SMOC1: variants seen among roughly 807,000 people sequenced by gnomAD.
The protein encoded by SMOC1 is SPARC related modular calcium binding 1.
In SMOC1, 22 loss-of-function variants were observed where a neutral mutation model predicts 56.3. That is an observed-to-expected ratio of 0.39 (90% confidence interval 0.28 to 0.56). SMOC1 has a LOEUF of 0.56. Among genes scored for constraint, SMOC1 ranks in the 20% least tolerant of loss-of-function variants. The pLI, the probability that SMOC1 is intolerant of heterozygous loss-of-function variation, is 0.61. For synonymous variants in SMOC1, 193 were observed against 215.0 expected, an observed-to-expected ratio of 0.90 and a Z score of 0.89; for missense variants, 509 against 565.4, an observed-to-expected ratio of 0.90 and a Z score of 1.01.
chr14:69,978,032 A>G (rs1439741094), intron 5 of SMOC1, 67 bp downstream of exon 5: 4 of 1,311,450 alleles, frequency 3.1e-6, no homozygotes, highest in South Asian at 2.4e-5. Context: ...GATTTCTTAG[A>G]TGAGATAGAA....
rs769490801 is a variant in SMOC1 at position 69,994,414 on chromosome 14, A to G, written c.598A>G (p.Thr200Ala). 2.0e-5 allele frequency: 33 copies of G among 1,613,724 alleles called. No individual in the cohort carries two copies. The East Asian group carries it at 4.9e-4, about 24-fold the overall frequency. ...CTCACCCCTAGAAATCACAGCCCCAACTCTATGGATTAAACACTTGGTGAT... is the reference window on the plus strand; with the variant it reads ...CTCACCCCTAGAAATCACAGCCCCAGCTCTATGGATTAAACACTTGGTGAT... ...VFDGDEITAP[T>A]LWIKHLVIKD... Residue 200 changes from threonine (T) to alanine (A), a missense_variant, in exon 7 of 12, where the codon ACT becomes GCT. By Grantham distance (58) the Thr-to-Ala change is moderately conservative (BLOSUM62 0). Coordinates refer to ENST00000361956, the MANE Select transcript of SMOC1 (RefSeq NM_001034852.3).
intron 1 of SMOC1, among the ~76,000 whole-genome samples, chr14:69,895,055 G>C (rs1952201): frequency 6.6e-6 from 1 of 152,164 alleles, no homozygotes; most frequent in African/African-American, 2.4e-5. Context: ...AGATGCCCTG[G>C]AACACTTGGA....
At chr14:69,993,487 C>T (rs568332712) in intron 6 of SMOC1, among the ~76,000 whole-genome samples, 2 of 152,232 alleles carry the variant, frequency 1.3e-5, no homozygotes, top group South Asian at 2.1e-4. Flanking sequence ...CCTAGCTAAG[C>T]GTATCCAGCC....
chr14:69,903,489 G>C (rs968204347), intron 1 of SMOC1, among the ~76,000 whole-genome samples: 9 of 152,250 alleles, frequency 5.9e-5, no homozygotes, highest in African/African-American at 2.2e-4. Context: ...AAAAGATAGA[G>C]AAATCAGATT....
intron 1 of SMOC1, among the ~76,000 whole-genome samples, chr14:69,917,524 T>C (rs1020964633): frequency 1.3e-5 from 2 of 152,210 alleles, no homozygotes; most frequent in African/African-American, 4.8e-5. Flanking sequence ...TAAATAAACA[T>C]ACAGTGTGAT....
chr14:69,967,779 T>C (rs1488049521), intron 3 of SMOC1, among the ~76,000 whole-genome samples: 1 of 152,238 alleles, frequency 6.6e-6, no homozygotes, highest in African/African-American at 2.4e-5. Context: ...CAGCTAGTAG[T>C]GGAGATGGTA....
chr14:69,885,929 T>C (rs1883793377), intron 1 of SMOC1: 11 of 1,597,552 alleles, frequency 6.9e-6, no homozygotes, highest in Middle Eastern at 2.1e-4. Flanking sequence ...CAGCCGCTTA[T>C]AGAGGATGGC....
At chr14:69,954,129 GCTGA>G (rs1159955642) in intron 3 of SMOC1, among the ~76,000 whole-genome samples, 1 of 152,128 alleles carries the variant, frequency 6.6e-6, no homozygotes, top group Non-Finnish European at 1.5e-5. Flanking sequence ...TCAAAGTAAT[GCTGA>G]CTGTGTTGAT....
At chr14:69,890,294 A>G (rs912641402) in intron 1 of SMOC1, among the ~76,000 whole-genome samples, 1 of 152,242 alleles carries the variant, frequency 6.6e-6, no homozygotes, top group African/African-American at 2.4e-5. Flanking sequence ...AAAGGTAGAT[A>G]TGTCTTTCCT....
At chr14:69,954,751 A>G (rs1883128507) in intron 3 of SMOC1, among the ~76,000 whole-genome samples, 1 of 152,300 alleles carries the variant, frequency 6.6e-6, no homozygotes, top group South Asian at 2.1e-4. Context: ...ATTTGGGGGA[A>G]TCCTGTTGTC....
intron 5 of SMOC1, among the ~76,000 whole-genome samples, chr14:69,991,232 G>A (rs1057179557): frequency 1.3e-5 from 2 of 152,050 alleles, no homozygotes; most frequent in Non-Finnish European, 1.5e-5. Context: ...TCATCAAACC[G>A]CCTGAGACAA....
chr14:69,962,496 A>G (rs1184966824), intron 3 of SMOC1, among the ~76,000 whole-genome samples: 3 of 151,170 alleles, frequency 2.0e-5, no homozygotes, highest in Non-Finnish European at 4.4e-5. Flanking sequence ...ATTCACAAAT[A>G]TTTTCTCCCA....
intron 3 of SMOC1, among the ~76,000 whole-genome samples, chr14:69,962,157 C>G (rs927854213): frequency 4.6e-5 from 7 of 151,988 alleles, no homozygotes; most frequent in Admixed American, 1.3e-4. Context: ...ATACAAGACT[C>G]TCTCTCTTTT....
chr14:70,011,466 C>CCA lies in SMOC1; in HGVS notation c.858-19_858-18insCA. ...GTTGCCAGCCCCTCCCAACCCCCCC[C>CCA]ATATCTCTCTTTTCCCAGCTACGTG... On this transcript the variant is annotated intron_variant, in intron 8 of 11. Coordinates refer to ENST00000361956, the MANE Select transcript of SMOC1 (RefSeq NM_001034852.3). 7 of 1,561,680 alleles carry CCA rather than the reference C, an allele frequency of 4.5e-6. No individual in the cohort carries two copies. Among genetic ancestry groups the CCA allele is most frequent in the Non-Finnish European group, 6.2e-6 (7 of 1,133,418 alleles).
chr14:69,950,533 TG>T (rs2139434936), intron 1 of SMOC1, among the ~76,000 whole-genome samples: 2 of 152,370 alleles, frequency 1.3e-5, no homozygotes, highest in South Asian at 4.1e-4. Context: ...GTCAACTCTA[TG>T]ATTACCGATG....
chr14:69,941,925 C>A (rs919437159), intron 1 of SMOC1, among the ~76,000 whole-genome samples: 1 of 152,160 alleles, frequency 6.6e-6, no homozygotes, highest in Non-Finnish European at 1.5e-5. Context: ...CCTTCTAGCC[C>A]TACAGAACAC....
At chr14:69,943,841 G>A (rs1186158680) in intron 1 of SMOC1, among the ~76,000 whole-genome samples, 1 of 152,148 alleles carries the variant, frequency 6.6e-6, no homozygotes, top group Non-Finnish European at 1.5e-5. Flanking sequence ...GTTCTCCTGG[G>A]GGCAACTACT....
At chr14:69,956,365 A>G (rs904451100) in intron 3 of SMOC1, among the ~76,000 whole-genome samples, 12 of 151,434 alleles carry the variant, frequency 7.9e-5, no homozygotes, top group Non-Finnish European at 2.9e-5. Context: ...CTCTTTGAGT[A>G]TGCTTCAGTC....
chr14:69,903,176 C>T (rs1171042116), intron 1 of SMOC1, among the ~76,000 whole-genome samples: 1 of 151,858 alleles, frequency 6.6e-6, no homozygotes, highest in African/African-American at 2.4e-5. Context: ...AAGTCAGGAG[C>T]GTCTCTGCCC....
Sources: allele counts gnomAD v4.1 joint callset (sites outside exome capture counted in the v4.1 genomes callset), GRCh38; gene constraint gnomAD v4.1.1; transcripts MANE v1.5; gene names NCBI Gene and HGNC (gene_info 2026-07-23, HGNC 2026-07-21).